VWC2L: variants seen among roughly 807,000 people sequenced by gnomAD.
The protein encoded by VWC2L is von Willebrand factor C domain-containing protein 2-like.
A neutral mutation model predicts 21.6 loss-of-function variants in VWC2L; 10 were observed. The observed-to-expected ratio is 0.46, with a 90% CI of 0.29 to 0.78. VWC2L has a LOEUF of 0.78. Among genes scored for constraint, VWC2L ranks in the 30% least tolerant of loss-of-function variants. The pLI, the probability that VWC2L is intolerant of heterozygous loss-of-function variation, is 0.10. For missense variants in VWC2L, 209 were observed against 277.1 expected, an observed-to-expected ratio of 0.75 and a Z score of 1.74; for synonymous variants, 96 against 94.3, an observed-to-expected ratio of 1.02 and a Z score of -0.10.
intron 3 of VWC2L, among the ~76,000 whole-genome samples, chr2:214,542,861 T>C (rs1689649324): frequency 6.6e-6 from 1 of 152,172 alleles, no homozygotes; most frequent in African/African-American, 2.4e-5. Flanking sequence ...TGTGCACAGT[T>C]TAGAAATCAT....
intron 3 of VWC2L, among the ~76,000 whole-genome samples, chr2:214,529,831 C>A (rs190788112): frequency 6.6e-6 from 1 of 152,126 alleles, no homozygotes; most frequent in Admixed American, 6.6e-5. Flanking sequence ...GTCATCTATG[C>A]GCATCTGTTC....
chr2:214,507,280 G>A (rs1417324406), intron 3 of VWC2L, among the ~76,000 whole-genome samples: 1 of 152,102 alleles, frequency 6.6e-6, no homozygotes, highest in Non-Finnish European at 1.5e-5. Flanking sequence ...TATCTACCCA[G>A]CATAATCAGA....
At chr2:214,530,927 G>A (rs183848905) in intron 3 of VWC2L, among the ~76,000 whole-genome samples, 55 of 152,316 alleles carry the variant, frequency 3.6e-4, no homozygotes, top group Admixed American at 3.5e-3. Flanking sequence ...ATTGGCAATC[G>A]TGTTAGGATG....
intron 3 of VWC2L, among the ~76,000 whole-genome samples, chr2:214,527,548 G>A (rs1689362303): frequency 6.6e-6 from 1 of 151,914 alleles, no homozygotes; most frequent in Non-Finnish European, 1.5e-5. Context: ...TCCATTCCTT[G>A]AAGCAAGTTC....
In VWC2L at chr2:214,577,116, GA is replaced by G. The variant is rs1376325878; in HGVS notation, c.*1299del. 6.6e-6 allele frequency: 1 copy of G among 152,136 alleles called. No homozygotes were observed. Among genetic ancestry groups the G allele is most frequent in the Admixed American group, 6.5e-5 (1 of 15,272 alleles). The allele number at this position is 152,136 out of a possible 1,614,324, so 9.4% of individuals were successfully genotyped here. A position where few individuals can be genotyped will look rare whatever the true frequency, so the allele number is the denominator to read the frequency against. On this transcript the variant is annotated 3_prime_UTR_variant, in exon 4 of 4. Coordinates refer to ENST00000312504, the MANE Select transcript of VWC2L (RefSeq NM_001080500.4). Reference sequence around the variant, plus strand: ...ATTCAAGTGCAAAATTAACAATTCTGAAACCACATGGCATAGTTAGTCGCTT... The same window carrying G: ...ATTCAAGTGCAAAATTAACAATTCTGAACCACATGGCATAGTTAGTCGCTT...
chr2:214,484,556 C>T (rs188724911), intron 3 of VWC2L, among the ~76,000 whole-genome samples: 36 of 152,180 alleles, frequency 2.4e-4, no homozygotes, highest in Non-Finnish European at 3.7e-4. Context: ...AGTGATCATA[C>T]GGCAGAACAA....
At chr2:214,462,254 G>C (rs1219859240) in intron 3 of VWC2L, among the ~76,000 whole-genome samples, 3 of 152,118 alleles carry the variant, frequency 2.0e-5, no homozygotes, top group Admixed American at 6.5e-5. Context: ...GGGCCCACAG[G>C]GGGCAAGGGC....
intron 3 of VWC2L, among the ~76,000 whole-genome samples, chr2:214,483,344 T>TA (rs761430672): frequency 6.6e-6 from 1 of 151,766 alleles, no homozygotes; most frequent in Non-Finnish European, 1.5e-5. Context: ...ATGGCTTAAC[T>TA]ATTTTTTTTT....
intron 3 of VWC2L, among the ~76,000 whole-genome samples, chr2:214,469,574 G>A (rs149932039): frequency 0.13 from 19,089 of 151,622 alleles, 1,491 homozygotes; most frequent in East Asian, 0.25. Context: ...CAGCCTGGGC[G>A]ACAGAGGGAG....
chr2:214,564,679 T>C (rs1690034897), intron 3 of VWC2L, among the ~76,000 whole-genome samples: 1 of 152,180 alleles, frequency 6.6e-6, no homozygotes. Flanking sequence ...CCAAATACAT[T>C]ATCATTTTAA....
chr2:214,572,983 T>G (rs1690174513), intron 3 of VWC2L, among the ~76,000 whole-genome samples: 2 of 152,090 alleles, frequency 1.3e-5, no homozygotes, highest in African/African-American at 4.8e-5. Flanking sequence ...GAGCTGAGAG[T>G]GCAGCAAATT....
chr2:214,551,107 T>C (rs1367304751), intron 3 of VWC2L, among the ~76,000 whole-genome samples: 1 of 152,126 alleles, frequency 6.6e-6, no homozygotes, highest in Non-Finnish European at 1.5e-5. Flanking sequence ...AACTATGTTT[T>C]AAAAGAAAAA....
At chr2:214,494,648 G>A (rs1040993862) in intron 3 of VWC2L, among the ~76,000 whole-genome samples, 1 of 152,056 alleles carries the variant, frequency 6.6e-6, no homozygotes, top group Non-Finnish European at 1.5e-5. Context: ...TTTCCCAGAC[G>A]TTCTTAAAGG....
At position 214,416,124 on chromosome 2, in the gene VWC2L, G is replaced by A. The variant is rs141447762; in HGVS notation, c.390+1541G>A. The stretch of plus-strand genomic sequence containing the variant: ...TACAAAAGGGTATTGTAGGAACAGC[G>A]TTTCATAACTAGCACAAATAAAAAC... On this transcript the variant is annotated intron_variant, in intron 2 of 3. Transcript: ENST00000312504. Among the ~76,000 whole-genome samples the A allele has an allele frequency of 5.8e-3, 884 of 152,048 alleles. 7 individuals carry two copies. Among genetic ancestry groups the A allele is most frequent in the African/African-American group, 0.02 (817 of 41,520 alleles).
At position 214,529,033 on chromosome 2, in the gene VWC2L, A is replaced by G. The variant is rs535723653; in HGVS notation, c.521-46639A>G. On this transcript the variant is annotated intron_variant, in intron 3 of 3. Transcript: ENST00000312504. ...GCAGGTATACATAAACAAATTATAC[A>G]TCACTATTCCTTAAGTGAGAAACTG... Among the ~76,000 whole-genome samples the G allele has an allele frequency of 6.6e-5, 10 of 152,296 alleles. No homozygotes were observed. The South Asian group carries it at 1.9e-3, about 28-fold the overall frequency.
At chr2:214,463,434 ATTCTAC>A (rs942970093) in intron 3 of VWC2L, among the ~76,000 whole-genome samples, 7 of 151,950 alleles carry the variant, frequency 4.6e-5, no homozygotes, top group African/African-American at 1.7e-4. Context: ...TTGTATCCTC[ATTCTAC>A]TTCTATTTAT....
intron 3 of VWC2L, among the ~76,000 whole-genome samples, chr2:214,552,831 G>C (rs934028137): frequency 2.0e-5 from 3 of 151,894 alleles, no homozygotes; most frequent in African/African-American, 7.3e-5. Flanking sequence ...CCTCATATTC[G>C]ACTGCTTAAT....
intron 3 of VWC2L, among the ~76,000 whole-genome samples, chr2:214,447,807 TG>T (rs1364340453): frequency 6.6e-6 from 1 of 152,086 alleles, no homozygotes; most frequent in Non-Finnish European, 1.5e-5. Context: ...TAAACCTTCT[TG>T]GGCTCTTGCA....
intron 2 of VWC2L, among the ~76,000 whole-genome samples, chr2:214,432,850 T>C (rs1236832252): frequency 6.6e-6 from 1 of 151,948 alleles, no homozygotes; most frequent in Non-Finnish European, 1.5e-5. Context: ...GGTAAGACCC[T>C]GTCTTTACTA....
Sources: allele counts gnomAD v4.1 joint callset (sites outside exome capture counted in the v4.1 genomes callset), GRCh38; gene constraint gnomAD v4.1.1; transcripts MANE v1.5; gene names NCBI Gene and HGNC (gene_info 2026-07-23, HGNC 2026-07-21).